ANO4: variants seen among roughly 807,000 people sequenced by gnomAD.
ANO4 encodes the protein anoctamin 4, also known as anoctamin-4.
Under a neutral mutation model 141.9 loss-of-function variants are expected in ANO4, and 69 were observed. That is an observed-to-expected ratio of 0.49 (90% CI 0.40 to 0.59). ANO4 has a LOEUF of 0.59. Ranked by LOEUF, ANO4 falls within the 20% of genes least tolerant of loss-of-function variation. The probability of loss-of-function intolerance (pLI) is 0.00; values close to 1 mark genes in which losing one functional copy is unlikely to be tolerated. For synonymous variants in ANO4, 350 were observed against 394.3 expected (o/e 0.89, Z 1.33); for missense variants, 894 against 1,162.2 (o/e 0.77, Z 3.36).
At chr12:101,064,663 TATAATAATAATAATA>T (rs199759578) in intron 14 of ANO4, among the ~76,000 whole-genome samples, 7 of 130,168 alleles carry the variant, frequency 5.4e-5, no homozygotes, top group Admixed American at 4.0e-4. Context: ...CTTAAAGTAT[TATAATAATAATAATA>T]ATAATAATAA....
chr12:101,060,998 G>A (rs906177674), intron 14 of ANO4, among the ~76,000 whole-genome samples: 2 of 152,182 alleles, frequency 1.3e-5, no homozygotes, highest in Admixed American at 1.3e-4. Context: ...AATTTGGTAT[G>A]TTTTTGCAGT....
chr12:100,750,005 G>A (rs1364137622), intron 3 of ANO4, among the ~76,000 whole-genome samples: 4 of 152,170 alleles, frequency 2.6e-5, no homozygotes, highest in African/African-American at 4.8e-5. Context: ...AAGCTTCATA[G>A]TTTAGGCCAG....
rs184026715 is a variant in ANO4, at chr12:100,908,176, C to G, written c.55+6336C>G. ...GGAGTTCAAGACCAGGTGGAGAAACCCTCTCTCTACTAAAAATACAAAATT... is the reference window on the plus strand; with the variant it reads ...GGAGTTCAAGACCAGGTGGAGAAACGCTCTCTCTACTAAAAATACAAAATT... On this transcript the variant is annotated intron_variant, in intron 2 of 27. Coordinates refer to ENST00000392977, the MANE Select transcript of ANO4 (RefSeq NM_001286615.2). Among the ~76,000 whole-genome samples, 1,511 of 152,074 alleles carry G rather than the reference C, an allele frequency of 9.9e-3. 17 individuals carry two copies. The highest frequency in any genetic ancestry group is 0.015 in the Non-Finnish European group (986 of 67,972).
chr12:101,086,724 T>A lies in ANO4; in HGVS notation c.1601T>A (p.Phe534Tyr). 1 of 1,613,904 alleles carries A rather than the reference T, an allele frequency of 6.2e-7. No individual in the cohort carries two copies. Among genetic ancestry groups the A allele is most frequent in the Non-Finnish European group, 8.5e-7 (1 of 1,179,836 alleles). ...TACCGGGTGGTGACTGTCAGCACTT[T>A]CGCTGCCTTTAAGTGGGCGTTAATC... ...VIYRVVTVSTFAAFKWALIRN... is the reference protein window; with the variant it reads ...VIYRVVTVSTYAAFKWALIRN... Residue 534 changes from phenylalanine to tyrosine, a missense_variant, in exon 17 of 28, where the codon TTC (phenylalanine) becomes TAC (tyrosine). Phe to Tyr is a conservative substitution (Grantham distance 22). Coordinates refer to ENST00000392977, the MANE Select transcript of ANO4 (RefSeq NM_001286615.2).
chr12:100,965,653 C>A (rs572495006), intron 5 of ANO4, among the ~76,000 whole-genome samples: 1 of 151,694 alleles, frequency 6.6e-6, no homozygotes, highest in Non-Finnish European at 1.5e-5. Flanking sequence ...TTTTAGTTCC[C>A]GGAACAATCT....
intron 1 of ANO4, among the ~76,000 whole-genome samples, chr12:100,842,840 C>T (rs1049047169): frequency 6.6e-6 from 1 of 152,106 alleles, no homozygotes; most frequent in Admixed American, 6.5e-5. Flanking sequence ...GCTTAACCAC[C>T]TCCTAAAGGC....
chr12:101,079,329 C>T lies in ANO4; in HGVS notation c.1395+54C>T, dbSNP rs111740158. 72 of 1,426,720 alleles carry T rather than the reference C, an allele frequency of 5.0e-5. No homozygotes were observed. In the African/African-American group the frequency reaches 8.5e-4, roughly 17 times the overall value. 88.4% of individuals were successfully genotyped at this position (1,426,720 alleles called of 1,614,324 possible). A position where few individuals can be genotyped will look rare whatever the true frequency, so the allele number is the denominator to read the frequency against. On this transcript the variant is annotated intron_variant, in intron 15 of 27. Transcript: ENST00000392977. ...AAAAAGCAAATCACCCAGAACCACA[C>T]GACCCCCCCCCAAAATTGTCACTCT...
intron 5 of ANO4, among the ~76,000 whole-genome samples, chr12:100,951,517 G>A (rs2042968915): frequency 6.6e-6 from 1 of 152,174 alleles, no homozygotes. Flanking sequence ...AAAAGAACAA[G>A]ATCATGTTCT....
rs984684526 is a variant in ANO4, at chr12:101,013,733, G to A, written c.735-6301G>A. Among the ~76,000 whole-genome samples, 3 of 152,272 alleles carry A rather than the reference G, an allele frequency of 2.0e-5. No homozygotes were observed. The East Asian group carries it at 5.8e-4, about 29-fold the overall frequency. ...CTAGTCACAGTTCAAGTGCTCAATA[G>A]TTACATGAGTACCATATTGGATAGC... On this transcript the variant is annotated intron_variant, in intron 8 of 27. Coordinates refer to ENST00000392977, the MANE Select transcript of ANO4 (RefSeq NM_001286615.2).
chr12:101,075,636 A>AATATAT lies in ANO4; in HGVS notation c.1313-3549_1313-3544dup, dbSNP rs140118773. On this transcript the variant is annotated intron_variant, in intron 14 of 27. Coordinates refer to ENST00000392977, the MANE Select transcript of ANO4 (RefSeq NM_001286615.2). Reference sequence around the variant, plus strand: ...TCATAGTGCCAGGTAGTATAAGAGAAATATATATATATACACACACACACA... The same window carrying AATATAT: ...TCATAGTGCCAGGTAGTATAAGAGAAATATATATATATATATATACACACACACACA... 1.1e-3 allele frequency among the ~76,000 whole-genome samples: 167 copies of AATATAT among 149,114 alleles called. 1 individual carries two copies. The highest frequency in any genetic ancestry group is 1.0e-2 in the East Asian group (51 of 5,108).
intron 1 of ANO4, among the ~76,000 whole-genome samples, chr12:100,847,474 A>ATT (rs2037626098): frequency 2.3e-5 from 1 of 43,472 alleles, no homozygotes; most frequent in Non-Finnish European, 4.4e-5. Context: ...TGGCCAAGAT[A>ATT]ATTTTTTTTT....
At chr12:100,963,886 A>G (rs1189848645) in intron 5 of ANO4, among the ~76,000 whole-genome samples, 3 of 152,204 alleles carry the variant, frequency 2.0e-5, no homozygotes, top group South Asian at 4.1e-4. Context: ...TGTGAGTGGA[A>G]GAAAGAAATT....
At chr12:100,809,596 G>A (rs2035273913) in intron 1 of ANO4, among the ~76,000 whole-genome samples, 1 of 152,176 alleles carries the variant, frequency 6.6e-6, no homozygotes, top group Non-Finnish European at 1.5e-5. Flanking sequence ...CAAGTGCAAA[G>A]GCACTGGGGC....
At chr12:100,991,193 T>G (rs2045084440) in intron 8 of ANO4, among the ~76,000 whole-genome samples, 2 of 152,160 alleles carry the variant, frequency 1.3e-5, no homozygotes, top group South Asian at 4.1e-4. Flanking sequence ...ATAGATAGCA[T>G]CCCTCGGGTG....
At chr12:100,798,177 G>C (rs1190978024) in intron 1 of ANO4, among the ~76,000 whole-genome samples, 2 of 152,166 alleles carry the variant, frequency 1.3e-5, no homozygotes, top group East Asian at 1.9e-4. Flanking sequence ...GTGTTATAAA[G>C]TAAAATCATT....
intron 3 of ANO4, among the ~76,000 whole-genome samples, chr12:100,775,633 G>T (rs972548699): frequency 6.6e-6 from 1 of 152,122 alleles, no homozygotes; most frequent in African/African-American, 2.4e-5. Context: ...GTTGTTTGAA[G>T]TATTAAATGA....
upstream of ANO4, among the ~76,000 whole-genome samples, chr12:100,790,370 G>C (rs544604459): frequency 6.6e-6 from 1 of 152,320 alleles, no homozygotes; most frequent in East Asian, 1.9e-4. Context: ...AGGTAGGTCA[G>C]ATTGGAACCA....
chr12:100,975,427 C>CT (rs201688045), intron 7 of ANO4, among the ~76,000 whole-genome samples: 25,313 of 139,708 alleles, frequency 0.18, 2,487 homozygotes, highest in Middle Eastern at 0.34. Context: ...TTCTTTCTTT[C>CT]TTTTTTTTTT....
At chr12:100,772,062 G>A (rs188116629) in intron 3 of ANO4, among the ~76,000 whole-genome samples, 1 of 152,288 alleles carries the variant, frequency 6.6e-6, no homozygotes, top group East Asian at 1.9e-4. Flanking sequence ...GAACTGAGCT[G>A]GACTATATCA....
Sources: gnomAD v4.1 joint callset for allele counts (sites outside exome capture counted in the v4.1 genomes callset) on GRCh38, gnomAD v4.1.1 for gene constraint, MANE v1.5 for transcripts, NCBI Gene and HGNC (gene_info 2026-07-23, HGNC 2026-07-21) for gene names.